PACRG: variants seen among roughly 807,000 people sequenced by gnomAD.
The protein encoded by PACRG is parkin coregulated gene protein.
Under a neutral mutation model 29.7 loss-of-function variants are expected in PACRG, and 29 were observed. The ratio of observed to expected loss-of-function variants is 0.98; its 90% confidence interval spans 0.73 to 1.33. The LOEUF is 1.33. Among genes scored for constraint, PACRG ranks in the 40% most tolerant of loss-of-function variants. The probability of loss-of-function intolerance (pLI) is 0.00; values close to 1 mark genes in which losing one functional copy is unlikely to be tolerated. For missense variants in PACRG, 279 were observed against 316.2 expected (o/e 0.88, Z 0.89); for synonymous variants, 116 against 118.7 (o/e 0.98, Z 0.15).
At chr6:163,047,046 C>T (rs145441865) in intron 2 of PACRG, among the ~76,000 whole-genome samples, 1 of 152,116 alleles carries the variant, frequency 6.6e-6, no homozygotes, top group Admixed American at 6.5e-5. Flanking sequence ...CTTATTTGGT[C>T]GAGTGTATTA....
At chr6:163,051,585 GA>G (rs1417235182) in intron 2 of PACRG, 1 of 152,034 alleles carries the variant, frequency 6.6e-6, no homozygotes, top group East Asian at 1.9e-4. Context: ...TCCACAGACA[GA>G]TTTGAAGAGA....
intron 2 of PACRG, among the ~76,000 whole-genome samples, chr6:162,971,927 T>G (rs563177747): frequency 6.4e-4 from 97 of 152,286 alleles, no homozygotes; most frequent in African/African-American, 2.2e-3. Flanking sequence ...CTTGTGTCTC[T>G]TCGTCCACTC....
At chr6:162,825,371 T>G (rs1345312991) in intron 2 of PACRG, among the ~76,000 whole-genome samples, 1 of 152,224 alleles carries the variant, frequency 6.6e-6, no homozygotes, top group African/African-American at 2.4e-5. Context: ...CATCTCTGCA[T>G]CTCCGTTCTC....
intron 2 of PACRG, among the ~76,000 whole-genome samples, chr6:162,988,655 G>A (rs186306215): frequency 3.7e-4 from 56 of 152,220 alleles, no homozygotes; most frequent in African/African-American, 1.3e-3. Context: ...GAGAGTTTAT[G>A]CTAAGGAAAC....
chr6:162,851,201 T>C (rs531570756), intron 2 of PACRG, among the ~76,000 whole-genome samples: 1 of 152,298 alleles, frequency 6.6e-6, no homozygotes, highest in East Asian at 1.9e-4. Flanking sequence ...TAGATTGTGA[T>C]TCACAGGGAG....
At chr6:163,158,876 C>T (rs1212745056) in intron 4 of PACRG, among the ~76,000 whole-genome samples, 13 of 152,060 alleles carry the variant, frequency 8.5e-5, no homozygotes, top group Admixed American at 7.9e-4. Context: ...AATGGAATTG[C>T]AAAACCCATT....
At chr6:163,058,506 C>T (rs1200054695) in intron 2 of PACRG, among the ~76,000 whole-genome samples, 1 of 152,150 alleles carries the variant, frequency 6.6e-6, no homozygotes, top group African/African-American at 2.4e-5. Context: ...GCCGTGGTTC[C>T]TCATGCCTGT....
chr6:163,239,648 AACCCCTACACACACCCACACCCCCC>A (rs1782383537), intron 4 of PACRG, among the ~76,000 whole-genome samples: 5 of 109,902 alleles, frequency 4.5e-5, no homozygotes, highest in Admixed American at 2.9e-4. Flanking sequence ...CGGCTGCCCC[AACCCCTACACACACCCACACCCCCC>A]ACCCCTACAC....
At position 162,822,471 on chromosome 6, in the gene PACRG, C is replaced by A. The variant is rs1463829435; in HGVS notation, c.291+8190C>A. ...CTATTGGGAAAAGTATAGAAATGGA[C>A]AGAGTTGACAGAATCATTTTAAAGC... is the stretch of plus-strand genomic sequence containing the variant. On this transcript the variant is annotated intron_variant, in intron 2 of 4. Transcript: ENST00000366888. 2.0e-5 allele frequency among the ~76,000 whole-genome samples: 3 copies of A among 152,266 alleles called. No homozygotes were observed. In the East Asian group the frequency reaches 5.8e-4, roughly 29 times the overall value.
chr6:162,756,586 A>T (rs1389248083), intron 1 of PACRG, among the ~76,000 whole-genome samples: 2 of 152,086 alleles, frequency 1.3e-5, no homozygotes, highest in Non-Finnish European at 2.9e-5. Flanking sequence ...ATCTTTTTTT[A>T]AAAATTTATT....
chr6:162,983,925 C>G (rs912137238), intron 2 of PACRG, among the ~76,000 whole-genome samples: 7 of 152,034 alleles, frequency 4.6e-5, no homozygotes, highest in African/African-American at 1.7e-4. Flanking sequence ...AATTTCTCTT[C>G]ATCCTCAGGA....
At chr6:162,782,645 C>T (rs989571705) in intron 1 of PACRG, among the ~76,000 whole-genome samples, 1 of 151,692 alleles carries the variant, frequency 6.6e-6, no homozygotes, top group Admixed American at 6.6e-5. Context: ...TTACATACTT[C>T]TCTGGTTTAT....
At chr6:162,919,136 G>T (rs1026367803) in intron 2 of PACRG, among the ~76,000 whole-genome samples, 11 of 152,170 alleles carry the variant, frequency 7.2e-5, no homozygotes, top group Admixed American at 2.0e-4. Flanking sequence ...ATATAAAGTT[G>T]TAACAAGTAG....
intron 4 of PACRG, among the ~76,000 whole-genome samples, chr6:163,145,201 C>A (rs1360104314): frequency 1.3e-5 from 2 of 152,180 alleles, no homozygotes; most frequent in Non-Finnish European, 2.9e-5. Context: ...TTAGACAAAT[C>A]ATTTGATCAC....
At chr6:163,196,960 T>TAGATAGATAGATAGAC (rs1554384781) in intron 4 of PACRG, among the ~76,000 whole-genome samples, 23 of 149,374 alleles carry the variant, frequency 1.5e-4, no homozygotes, top group African/African-American at 4.8e-4. Flanking sequence ...GATAGATAGA[T>TAGATAGATAGATAGAC]AGATAGATAG....
intron 4 of PACRG, chr6:163,170,591 G>T: frequency 6.6e-6 from 1 of 152,328 alleles, no homozygotes; most frequent in Non-Finnish European, 1.5e-5. Flanking sequence ...GGTTCGCCCT[G>T]CTTTTATTCT....
At position 162,777,683 on chromosome 6, in the gene PACRG, T is replaced by G. The variant is rs992170451; in HGVS notation, c.157-36464T>G. Reference sequence around the variant, plus strand: ...GTGATTTCATAAGGAAATATTTTATTTTATACTTTTACTGTAGAGATGCAT... The same window carrying G: ...GTGATTTCATAAGGAAATATTTTATGTTATACTTTTACTGTAGAGATGCAT... On this transcript the variant is annotated intron_variant, in intron 1 of 4. Coordinates refer to ENST00000366888, the MANE Select transcript of PACRG (RefSeq NM_001080379.2). This position sits in a 1 kb window ranked among gnomAD's most constrained non-coding sequence, Gnocchi z 4.0. 1.3e-5 allele frequency among the ~76,000 whole-genome samples: 2 copies of G among 152,194 alleles called. No homozygotes were observed. The highest frequency in any genetic ancestry group is 4.8e-5 in the African/African-American group (2 of 41,444).
chr6:163,169,713 C>A (rs1331623638), intron 4 of PACRG, among the ~76,000 whole-genome samples: 3 of 152,054 alleles, frequency 2.0e-5, no homozygotes, highest in Non-Finnish European at 2.9e-5. Context: ...GCTGGCCAGA[C>A]GGCTCAGGAG....
intron 1 of PACRG, among the ~76,000 whole-genome samples, chr6:162,749,311 A>G (rs1276679288): frequency 6.6e-6 from 1 of 152,180 alleles, no homozygotes; most frequent in Admixed American, 6.5e-5. Flanking sequence ...CCGACTGTCA[A>G]GAAGGTGAGA....
Sources: allele counts gnomAD v4.1 joint callset (sites outside exome capture counted in the v4.1 genomes callset), GRCh38; gene constraint gnomAD v4.1.1; non-coding constraint Gnocchi (gnomAD v3.1); transcripts MANE v1.5; gene names NCBI Gene and HGNC (gene_info 2026-07-23, HGNC 2026-07-21).